Variants in CPQ observed in about 807,000 individuals in gnomAD.
CPQ encodes carboxypeptidase Q, also known as Ser-Met dipeptidase.
Under a neutral mutation model 45.7 loss-of-function variants are expected in CPQ, and 37 were observed. The observed-to-expected ratio is 0.81, with a 90% CI of 0.62 to 1.07. The LOEUF (loss-of-function observed/expected upper bound fraction) is 1.07, where lower values mean the gene tolerates loss of function less well. CPQ is among the 50% of genes least tolerant of loss of function. The pLI is 0.00. For synonymous variants in CPQ, 186 were observed against 205.8 expected (o/e 0.90, Z 0.82); for missense variants, 537 against 572.9 (o/e 0.94, Z 0.64).
intron 1 of CPQ, among the ~76,000 whole-genome samples, chr8:96,684,549 G>T (rs931790327): frequency 6.6e-6 from 1 of 152,156 alleles, no homozygotes; most frequent in Non-Finnish European, 1.5e-5. Context: ...CATGGTGGTG[G>T]GTGGGATCGG....
intron 1 of CPQ, among the ~76,000 whole-genome samples, chr8:96,678,341 T>C (rs1280353266): frequency 6.6e-6 from 1 of 152,144 alleles, no homozygotes; most frequent in Non-Finnish European, 1.5e-5. Flanking sequence ...TCATCTATGA[T>C]TTCTTTCATC....
At chr8:96,697,682 A>G (rs1390238521) in intron 1 of CPQ, among the ~76,000 whole-genome samples, 5 of 152,200 alleles carry the variant, frequency 3.3e-5, no homozygotes, top group East Asian at 3.8e-4. Flanking sequence ...CAAAATCAAC[A>G]TATAAAAATG....
intron 7 of CPQ, among the ~76,000 whole-genome samples, chr8:97,082,174 C>T (rs1810961053): frequency 6.6e-6 from 1 of 152,160 alleles, no homozygotes; most frequent in Non-Finnish European, 1.5e-5. Context: ...TGTTAGGACA[C>T]ATATTCTCTC....
chr8:96,961,188 T>A (rs955635737), intron 4 of CPQ, among the ~76,000 whole-genome samples: 4 of 152,208 alleles, frequency 2.6e-5, no homozygotes, highest in African/African-American at 9.6e-5. Context: ...TTCCTATTGC[T>A]CAGCCTCCTT....
intron 2 of CPQ, among the ~76,000 whole-genome samples, chr8:96,831,184 C>G (rs1211069564): frequency 6.6e-6 from 1 of 151,924 alleles, no homozygotes; most frequent in Non-Finnish European, 1.5e-5. Flanking sequence ...GGGTATTATA[C>G]TTTTATTTTT....
chr8:96,926,622 T>TCTTCTTCTTCTTCTC lies in CPQ; in HGVS notation c.850-39311_850-39310insTCTTCTTCTTCTCCT, dbSNP rs1554578116. On this transcript the variant is annotated intron_variant, in intron 4 of 7. Coordinates refer to ENST00000220763, the MANE Select transcript of CPQ (RefSeq NM_016134.4). ...TTCTTCTTCTTCTTCTTCTTCTTCT[T>TCTTCTTCTTCTTCTC]CTCCTCCTTCTCCTTCTTCTTCTTC... Among the ~76,000 whole-genome samples the TCTTCTTCTTCTTCTC allele has an allele frequency of 8.1e-5, 10 of 123,858 alleles. No individual in the cohort carries two copies. In the East Asian group the frequency reaches 1.4e-3, roughly 17 times the overall value. The allele number at this position is 123,858 out of a possible 152,430, so 81.3% of individuals were successfully genotyped here.
chr8:96,961,088 G>C (rs1293672802), intron 4 of CPQ, among the ~76,000 whole-genome samples: 2 of 152,114 alleles, frequency 1.3e-5, no homozygotes, highest in Non-Finnish European at 1.5e-5. Context: ...ATTGTGGAAT[G>C]CCCATATGTT....
intron 6 of CPQ, among the ~76,000 whole-genome samples, chr8:97,038,248 G>T (rs187061662): frequency 6.6e-6 from 1 of 152,294 alleles, no homozygotes; most frequent in African/African-American, 2.4e-5. Context: ...AAAACTTTGA[G>T]GTTTCTTGTC....
At chr8:97,091,656 A>T (rs1811126147) in intron 7 of CPQ, among the ~76,000 whole-genome samples, 1 of 152,144 alleles carries the variant, frequency 6.6e-6, no homozygotes, top group South Asian at 2.1e-4. Flanking sequence ...TGATCAGTTG[A>T]TCTGATTTCA....
At chr8:96,870,489 G>A (rs907094852) in intron 3 of CPQ, among the ~76,000 whole-genome samples, 9 of 151,860 alleles carry the variant, frequency 5.9e-5, no homozygotes, top group South Asian at 2.1e-4. Context: ...AGGGGTGAGC[G>A]GCAATATAAG....
intron 7 of CPQ, among the ~76,000 whole-genome samples, chr8:97,123,208 AAATAAAAT>A (rs1485326033): frequency 9.0e-5 from 10 of 110,812 alleles, no homozygotes; most frequent in East Asian, 7.2e-4. Flanking sequence ...ATAAAATAAA[AAATAAAAT>A]AAAATAAAAT....
chr8:96,804,154 G>C (rs930204717), intron 2 of CPQ, among the ~76,000 whole-genome samples: 3 of 152,206 alleles, frequency 2.0e-5, no homozygotes, highest in African/African-American at 4.8e-5. Context: ...GCAGGTGTGA[G>C]AGTATAAGAT....
intron 7 of CPQ, among the ~76,000 whole-genome samples, chr8:97,135,252 G>A (rs995371920): frequency 6.6e-6 from 1 of 152,154 alleles, no homozygotes; most frequent in Non-Finnish European, 1.5e-5. Context: ...ATTTGTGATT[G>A]AGGATTTTTT....
chr8:96,930,535 T>C (rs940584841), intron 4 of CPQ, among the ~76,000 whole-genome samples: 1 of 152,194 alleles, frequency 6.6e-6, no homozygotes, highest in Non-Finnish European at 1.5e-5. Context: ...GGATGATTTT[T>C]TTTGGAGATT....
At chr8:97,011,692 T>G (rs886373815) in intron 5 of CPQ, among the ~76,000 whole-genome samples, 1 of 152,216 alleles carries the variant, frequency 6.6e-6, no homozygotes, top group Non-Finnish European at 1.5e-5. Context: ...ATGACAATAT[T>G]ACTTGCTTTG....
At chr8:96,809,959 C>T (rs148353154) in intron 2 of CPQ, among the ~76,000 whole-genome samples, 3 of 152,242 alleles carry the variant, frequency 2.0e-5, no homozygotes, top group East Asian at 3.9e-4. Context: ...CTTGCTAAGT[C>T]GTCCCCCATA....
chr8:96,926,625 C>CTTCTTCTTCTTCTTCTTCCT (rs59043894), intron 4 of CPQ, among the ~76,000 whole-genome samples: 55 of 58,408 alleles, frequency 9.4e-4, no homozygotes, highest in Middle Eastern at 9.6e-3. Context: ...TTCTTCTTCT[C>CTTCTTCTTCTTCTTCTTCCT]CTCCTTCTCC....
intron 3 of CPQ, among the ~76,000 whole-genome samples, chr8:96,868,221 T>G (rs1366785009): frequency 6.6e-6 from 1 of 152,026 alleles, no homozygotes; most frequent in African/African-American, 2.4e-5. Flanking sequence ...AAAATGAAAC[T>G]TTGTTTTAGT....
intron 7 of CPQ, among the ~76,000 whole-genome samples, chr8:97,079,196 G>T (rs986040674): frequency 1.3e-5 from 2 of 152,102 alleles, no homozygotes; most frequent in African/African-American, 2.4e-5. Context: ...GTGGGGAAGA[G>T]AATATGAGTA....
Sources: gnomAD v4.1 joint callset for allele counts (sites outside exome capture counted in the v4.1 genomes callset) on GRCh38, gnomAD v4.1.1 for gene constraint, MANE v1.5 for transcripts, NCBI Gene and HGNC (gene_info 2026-07-23, HGNC 2026-07-21) for gene names.